NFATC3: variants seen among roughly 807,000 people sequenced by gnomAD.
NFATC3 encodes the protein nuclear factor of activated T cells 3.
In NFATC3, 46 loss-of-function variants were observed where a neutral mutation model predicts 98.6. That is an observed-to-expected ratio of 0.47 (90% CI 0.37 to 0.60). The LOEUF is 0.60. Among genes scored for constraint, NFATC3 ranks in the 20% least tolerant of loss-of-function variants. The pLI is 0.00. For missense variants in NFATC3, 1,256 were observed against 1,295.5 expected (o/e 0.97, Z 0.47); for synonymous variants, 512 against 472.2 (o/e 1.08, Z -1.09).
chr16:68,167,685 C>G (rs1383138887), intron 5 of NFATC3, among the ~76,000 whole-genome samples: 2 of 151,790 alleles, frequency 1.3e-5, no homozygotes, highest in Non-Finnish European at 2.9e-5. Context: ...AACAGAGGCA[C>G]AAGTATCTCT....
chr16:68,086,776 GAGGC>G, intron 1 of NFATC3: 1 of 985,410 alleles, frequency 1.0e-6, no homozygotes, highest in Non-Finnish European at 1.2e-6. Context: ...ACCTGAACGT[GAGGC>G]ATGAGGATTC....
At chr16:68,222,309 A>C (rs2041898612) in intron 9 of NFATC3, among the ~76,000 whole-genome samples, 5 of 142,884 alleles carry the variant, frequency 3.5e-5, no homozygotes, top group African/African-American at 1.3e-4. Flanking sequence ...AAAAAAAAAA[A>C]AAAAAAAAAA....
At chr16:68,221,599 C>T (rs920496704) in intron 9 of NFATC3, 9 of 1,069,000 alleles carry the variant, frequency 8.4e-6, no homozygotes, top group Admixed American at 9.6e-5. Flanking sequence ...AAGTCTGCCC[C>T]GTTGGAACTT....
At chr16:68,145,520 G>A (rs1055066637) in intron 3 of NFATC3, among the ~76,000 whole-genome samples, 1 of 152,124 alleles carries the variant, frequency 6.6e-6, no homozygotes, top group Admixed American at 6.5e-5. Flanking sequence ...TCCATACAAT[G>A]TACTACCACT....
intron 3 of NFATC3, among the ~76,000 whole-genome samples, chr16:68,127,977 A>G (rs1249549003): frequency 1.3e-5 from 2 of 151,808 alleles, no homozygotes; most frequent in African/African-American, 4.8e-5. Flanking sequence ...GCTCACTACT[A>G]CTACTTTTTT....
At chr16:68,150,412 TAAAAAAAAAAAAAA>T (rs60606928) in intron 3 of NFATC3, among the ~76,000 whole-genome samples, 1 of 81,080 alleles carries the variant, frequency 1.2e-5, no homozygotes, top group Non-Finnish European at 2.6e-5. Context: ...CTTCTATATC[TAAAAAAAAAAAAAA>T]AAAAAAAAAG....
Position 68,183,241 on chromosome 16 carries a change from C to G in NFATC3, c.1973C>G (p.Ala658Gly). 1 of 1,581,464 alleles carries G rather than the reference C, an allele frequency of 6.3e-7. No homozygotes were observed. Among genetic ancestry groups the G allele is most frequent in the South Asian group, 1.2e-5 (1 of 84,624 alleles). Residue 658 changes from alanine (A) to glycine (G), a missense_variant and splice_region_variant, in exon 8 of 10, where the codon GCT becomes GGT. By Grantham distance (60) the Ala-to-Gly change is moderately conservative (BLOSUM62 0). This residue lies in a region of NFATC3 where 636 missense variants were observed against 617.3 expected (regional missense o/e 1.03). Transcript: ENST00000346183. ...CACAATCTTGCTTTCCATCCTTAGG[C>G]TCACATTGTCCTTGAAGTTCCTCCA... ...GKIIREKCQG[A>G]HIVLEVPPYH...
chr16:68,104,901 CT>C (rs1185000265), intron 1 of NFATC3, among the ~76,000 whole-genome samples: 2 of 151,846 alleles, frequency 1.3e-5, no homozygotes, highest in African/African-American at 4.8e-5. Context: ...TGATCCGCCC[CT>C]CTTGGCCTCC....
intron 5 of NFATC3, among the ~76,000 whole-genome samples, chr16:68,173,457 C>T (rs1023755104): frequency 6.6e-6 from 1 of 152,072 alleles, no homozygotes; most frequent in Non-Finnish European, 1.5e-5. Context: ...ATCCCAGCTA[C>T]TCAGGAGACT....
chr16:68,221,268 A>G (rs1381775153), intron 9 of NFATC3: 1 of 1,614,150 alleles, frequency 6.2e-7, no homozygotes, highest in Admixed American at 1.7e-5. Context: ...GCAGGAAGAT[A>G]TCTGAGGAAT....
chr16:68,125,567 T>C (rs1020624749), intron 2 of NFATC3, among the ~76,000 whole-genome samples: 1 of 151,912 alleles, frequency 6.6e-6, no homozygotes, highest in Non-Finnish European at 1.5e-5. Flanking sequence ...AGGAAGGAAG[T>C]AGGGAAAGGA....
At chr16:68,127,137 C>T (rs535384740) in intron 3 of NFATC3, among the ~76,000 whole-genome samples, 36 of 152,110 alleles carry the variant, frequency 2.4e-4, no homozygotes, top group Non-Finnish European at 4.7e-4. Flanking sequence ...TGCTTGAACC[C>T]GGGAGGCAGA....
intron 3 of NFATC3, among the ~76,000 whole-genome samples, chr16:68,148,334 T>C (rs1382118105): frequency 6.6e-6 from 1 of 152,072 alleles, no homozygotes; most frequent in Admixed American, 6.6e-5. Flanking sequence ...ATTTTTGTTA[T>C]TGTGATGATA....
intron 9 of NFATC3, among the ~76,000 whole-genome samples, chr16:68,202,986 G>A (rs1010618601): frequency 6.6e-6 from 1 of 152,124 alleles, no homozygotes; most frequent in Non-Finnish European, 1.5e-5. Context: ...GATAACTCAC[G>A]AATCCTCTTT....
intron 9 of NFATC3, among the ~76,000 whole-genome samples, chr16:68,222,384 C>A (rs1206159667): frequency 7.0e-6 from 1 of 142,384 alleles, no homozygotes; most frequent in African/African-American, 2.6e-5. Context: ...GATAAAACAC[C>A]ATTTAAAATC....
intron 1 of NFATC3, among the ~76,000 whole-genome samples, chr16:68,090,108 T>A (rs1257780018): frequency 6.6e-6 from 1 of 152,198 alleles, no homozygotes; most frequent in African/African-American, 2.4e-5. Flanking sequence ...CTTTGTTTAG[T>A]GCTTGGAGAT....
At chr16:68,183,091 T>C in intron 7 of NFATC3, 149 bp from the exon 8 acceptor site, 1 of 759,378 alleles carries the variant, frequency 1.3e-6, no homozygotes, top group Non-Finnish European at 2.0e-6. Context: ...ATCCCTTTAG[T>C]AAATCTCCAG....
chr16:68,122,089 C>CAAA lies in NFATC3; in HGVS notation c.206_207insAAA (p.Ser69_His70insAsn). The CAAA allele has an allele frequency of 6.2e-7, 1 of 1,614,036 alleles. No homozygotes were observed. Among genetic ancestry groups the CAAA allele is most frequent in the Non-Finnish European group, 8.5e-7 (1 of 1,180,010 alleles). ...TGCTTACCACATCATGGATTACCGT[C>CAAA]TCACTCTTCTGTTTTGTCACCATCG... is the stretch of plus-strand genomic sequence containing the variant. On this transcript the variant is annotated inframe_insertion, in exon 2 of 10. Transcript: ENST00000346183.
At chr16:68,103,864 T>C (rs991889664) in intron 1 of NFATC3, among the ~76,000 whole-genome samples, 1 of 152,228 alleles carries the variant, frequency 6.6e-6, no homozygotes, top group African/African-American at 2.4e-5. Flanking sequence ...GATATTCGGG[T>C]TTATTTCTGA....
Sources: allele counts gnomAD v4.1 joint callset (sites outside exome capture counted in the v4.1 genomes callset), GRCh38; gene constraint gnomAD v4.1.1; regional missense constraint gnomAD v4.1.1; transcripts MANE v1.5; gene names NCBI Gene and HGNC (gene_info 2026-07-23, HGNC 2026-07-21).